Variants in CAMK2D observed in about 807,000 individuals in gnomAD.
The protein encoded by CAMK2D is calcium/calmodulin-dependent protein kinase type II subunit delta.
CAMK2D carries 37 observed loss-of-function variants against 84.0 expected under a neutral mutation model. The observed-to-expected ratio is 0.44, with a 90% CI of 0.34 to 0.58. The LOEUF is 0.58. CAMK2D is among the 20% of genes least tolerant of loss of function. The pLI is 0.02. For missense variants in CAMK2D, 448 were observed against 652.5 expected (o/e 0.69, Z 3.41); for synonymous variants, 202 against 212.5 (o/e 0.95, Z 0.43).
intron 6 of CAMK2D, among the ~76,000 whole-genome samples, chr4:113,542,663 T>G (rs1054806608): frequency 6.7e-6 from 1 of 150,060 alleles, no homozygotes; most frequent in African/African-American, 2.5e-5. Context: ...TGCAGTGAGC[T>G]GAGATCGCGC....
At chr4:113,718,003 C>A (rs991774035) in intron 2 of CAMK2D, among the ~76,000 whole-genome samples, 3 of 151,742 alleles carry the variant, frequency 2.0e-5, no homozygotes, top group Non-Finnish European at 4.4e-5. Context: ...ATTTTTAAAG[C>A]AAATCTATGG....
intron 2 of CAMK2D, among the ~76,000 whole-genome samples, chr4:113,758,096 T>C (rs528458806): frequency 2.0e-5 from 3 of 152,276 alleles, no homozygotes; most frequent in East Asian, 3.9e-4. Flanking sequence ...AAAATGTCAC[T>C]TATAGTTTAG....
chr4:113,745,588 A>G (rs1422265105), intron 2 of CAMK2D, among the ~76,000 whole-genome samples: 1 of 152,204 alleles, frequency 6.6e-6, no homozygotes, highest in Non-Finnish European at 1.5e-5. Flanking sequence ...AATATCTTTT[A>G]GATAAAATGT....
chr4:113,667,315 G>A (rs956035467), intron 2 of CAMK2D, among the ~76,000 whole-genome samples: 1 of 152,154 alleles, frequency 6.6e-6, no homozygotes, highest in Non-Finnish European at 1.5e-5. Flanking sequence ...AATGAATGAA[G>A]GATGGATGCC....
chr4:113,649,352 T>C (rs2099163893), intron 3 of CAMK2D, among the ~76,000 whole-genome samples: 2 of 152,330 alleles, frequency 1.3e-5, no homozygotes, highest in South Asian at 2.1e-4. Context: ...TCAAATTCCT[T>C]CCCAGACTCT....
intron 2 of CAMK2D, among the ~76,000 whole-genome samples, chr4:113,686,451 A>T (rs921979730): frequency 6.6e-6 from 1 of 152,124 alleles, no homozygotes; most frequent in African/African-American, 2.4e-5. Context: ...TAGCAACAAA[A>T]CTCTCAAAAT....
chr4:113,570,904 A>T (rs758773134), intron 4 of CAMK2D, among the ~76,000 whole-genome samples: 1 of 152,216 alleles, frequency 6.6e-6, no homozygotes, highest in Non-Finnish European at 1.5e-5. Context: ...ACATCTGATA[A>T]TAGGTTAATA....
At chr4:113,688,910 C>CAAAAAAAAAAAAAAAAAAAAAAGAAAAAA (rs2099369026) in intron 2 of CAMK2D, among the ~76,000 whole-genome samples, 1 of 49,714 alleles carries the variant, frequency 2.0e-5, no homozygotes, top group African/African-American at 7.6e-5. Context: ...AAAGAAGATG[C>CAAAAAAAAAAAAAAAAAAAAAAGAAAAAA]AAAAAAAAAA....
chr4:113,759,832 G>A (rs1193357686), intron 1 of CAMK2D, among the ~76,000 whole-genome samples: 4 of 152,174 alleles, frequency 2.6e-5, no homozygotes, highest in Admixed American at 2.0e-4. Context: ...AAGTAAACAT[G>A]ACGATTATTT....
chr4:113,724,843 T>C (rs1214434983), intron 2 of CAMK2D, among the ~76,000 whole-genome samples: 1 of 152,044 alleles, frequency 6.6e-6, no homozygotes, highest in Non-Finnish European at 1.5e-5. Flanking sequence ...TGATAACTTT[T>C]CTTTTTATAA....
chr4:113,559,828 G>A (rs2098689950), intron 4 of CAMK2D, among the ~76,000 whole-genome samples: 1 of 152,146 alleles, frequency 6.6e-6, no homozygotes, highest in South Asian at 2.1e-4. Context: ...TGTAGATAAT[G>A]GGTGAATTTA....
intron 3 of CAMK2D, among the ~76,000 whole-genome samples, chr4:113,615,342 A>C (rs2099016962): frequency 6.6e-6 from 1 of 152,090 alleles, no homozygotes; most frequent in Non-Finnish European, 1.5e-5. Context: ...AAAATGTAAA[A>C]ACACACACAC....
intron 2 of CAMK2D, among the ~76,000 whole-genome samples, chr4:113,709,746 GAT>G (rs397995032): frequency 0.12 from 5,947 of 49,566 alleles, 594 homozygotes; most frequent in African/African-American, 0.17. Context: ...AGCCGTGAAC[GAT>G]ATATATATAT....
rs776597210 is a variant in CAMK2D at position 113,761,204 on chromosome 4, C to A, written c.-136G>T. The A allele has an allele frequency of 3.0e-5, 44 of 1,474,438 alleles. No homozygotes were observed. Among genetic ancestry groups the A allele is most frequent in the Non-Finnish European group, 3.9e-5 (43 of 1,105,506 alleles). The allele number at this position is 1,474,438 out of a possible 1,614,324, so 91.3% of individuals were successfully genotyped here. A position where few individuals can be genotyped will look rare whatever the true frequency, so the allele number is the denominator to read the frequency against. On this transcript the variant is annotated 5_prime_UTR_variant, in exon 1 of 21. Coordinates refer to ENST00000511664, the MANE Select transcript of CAMK2D (RefSeq NM_001321571.2). The stretch of plus-strand genomic sequence containing the variant: ...TTTCCTGGTCCGAAAGTAGCTCGCC[C>A]GCGAGGGAGTGTGCGCAGGGGCGGG...
intron 7 of CAMK2D, among the ~76,000 whole-genome samples, chr4:113,535,726 G>A (rs2098485267): frequency 6.6e-6 from 1 of 152,176 alleles, no homozygotes. Flanking sequence ...GCATGACAGT[G>A]AGCAAAGTCC....
intron 16 of CAMK2D, among the ~76,000 whole-genome samples, chr4:113,494,798 T>A (rs922243899): frequency 2.0e-5 from 3 of 152,208 alleles, no homozygotes; most frequent in African/African-American, 7.2e-5. Flanking sequence ...GGAGACTCCG[T>A]GGGCGTAGGA....
intron 2 of CAMK2D, among the ~76,000 whole-genome samples, chr4:113,663,998 T>C (rs2099247879): frequency 6.6e-6 from 1 of 152,102 alleles, no homozygotes; most frequent in Non-Finnish European, 1.5e-5. Context: ...TAATCTAATA[T>C]GACTGGTGTC....
Position 113,465,596 on chromosome 4 carries a change from G to T in CAMK2D, c.1144C>A (p.Gln382Lys), listed in dbSNP as rs1487106510. 6.2e-7 allele frequency: 1 copy of T among 1,609,116 alleles called. No homozygotes were observed. Among genetic ancestry groups the T allele is most frequent in the Non-Finnish European group, 8.5e-7 (1 of 1,175,868 alleles). Reference protein sequence around the residue: ...IEDEDVKARKQEIIKVTEQLI... With the variant: ...IEDEDVKARKKEIIKVTEQLI... Reference sequence around the variant, plus strand: ...TGTTCAGTGACTTTGATAATCTCTTGCTTTCGTGCTAAAGGCAAAAATATG... The same window carrying T: ...TGTTCAGTGACTTTGATAATCTCTTTCTTTCGTGCTAAAGGCAAAAATATG... Residue 382 changes from glutamine to lysine, a missense_variant, in exon 17 of 21, where the codon CAA (glutamine) becomes AAA (lysine). Gln to Lys is a moderately conservative substitution (Grantham distance 53). Coordinates refer to ENST00000511664, the MANE Select transcript of CAMK2D (RefSeq NM_001321571.2).
In CAMK2D at chr4:113,550,285, G is replaced by C. The variant is rs190852416; in HGVS notation, c.341+1746C>G. ...CCTCCCAGGTTCAAGTGATTCTCCT[G>C]CCTCAGCCTCCTGATTATCTGGGAC... On this transcript the variant is annotated intron_variant, in intron 5 of 20. Coordinates refer to ENST00000511664, the MANE Select transcript of CAMK2D (RefSeq NM_001321571.2). 6.2e-3 allele frequency among the ~76,000 whole-genome samples: 942 copies of C among 152,262 alleles called. 11 individuals carry two copies. Among genetic ancestry groups the C allele is most frequent in the Middle Eastern group, 0.041 (12 of 294 alleles).
Sources: allele counts gnomAD v4.1 joint callset (sites outside exome capture counted in the v4.1 genomes callset), GRCh38; gene constraint gnomAD v4.1.1; transcripts MANE v1.5; gene names NCBI Gene and HGNC (gene_info 2026-07-23, HGNC 2026-07-21).